The following PXDNL variants were observed in gnomAD, a reference collection of about 807,000 sequenced individuals.
The protein encoded by PXDNL is probable oxidoreductase PXDNL.
PXDNL carries 145 observed loss-of-function variants against 150.8 expected under a neutral mutation model. That is an observed-to-expected ratio of 0.96 (90% CI 0.84 to 1.10). The LOEUF is 1.10. PXDNL is among the 50% of genes least tolerant of loss of function. The probability of loss-of-function intolerance (pLI) is 0.00; values close to 1 mark genes in which losing one functional copy is unlikely to be tolerated. For missense variants in PXDNL, 2,087 were observed against 1,873.9 expected, an observed-to-expected ratio of 1.11 and a Z score of -2.10; for synonymous variants, 757 against 725.7, an observed-to-expected ratio of 1.04 and a Z score of -0.69.
At chr8:51,623,683 C>T (rs1433247374) in intron 2 of PXDNL, among the ~76,000 whole-genome samples, 1 of 152,188 alleles carries the variant, frequency 6.6e-6, no homozygotes, top group Non-Finnish European at 1.5e-5. Context: ...GTGTGCAGAG[C>T]GCAGCCCAGC....
intron 5 of PXDNL, among the ~76,000 whole-genome samples, chr8:51,497,167 G>A (rs1351155965): frequency 6.6e-6 from 1 of 151,900 alleles, no homozygotes; most frequent in Non-Finnish European, 1.5e-5. Context: ...CAAACCTGAT[G>A]GAAACAAGAA....
At chr8:51,654,501 C>A (rs1451772269) in intron 2 of PXDNL, among the ~76,000 whole-genome samples, 188 bp downstream of exon 2, 2 of 151,416 alleles carry the variant, frequency 1.3e-5, no homozygotes, top group Non-Finnish European at 2.9e-5. Context: ...AGAATCTCTT[C>A]CATGTTCAAA....
At chr8:51,702,570 T>C (rs539982694) in intron 1 of PXDNL, among the ~76,000 whole-genome samples, 17 of 152,250 alleles carry the variant, frequency 1.1e-4, no homozygotes, top group African/African-American at 4.1e-4. Context: ...GTTATTAGGG[T>C]GTGAATTTCG....
intron 1 of PXDNL, among the ~76,000 whole-genome samples, chr8:51,751,729 T>C (rs1003620468): frequency 6.6e-6 from 1 of 152,206 alleles, no homozygotes; most frequent in African/African-American, 2.4e-5. Flanking sequence ...GCTTTAATAC[T>C]TTTTCTTTCT....
chr8:51,468,068 G>A (rs1445644810), intron 8 of PXDNL, among the ~76,000 whole-genome samples: 1 of 151,976 alleles, frequency 6.6e-6, no homozygotes, highest in Non-Finnish European at 1.5e-5. Context: ...TATGAGTTGA[G>A]ATTTTGTATC....
At chr8:51,383,548 C>A (rs1030714806) in intron 17 of PXDNL, among the ~76,000 whole-genome samples, 1 of 152,086 alleles carries the variant, frequency 6.6e-6, no homozygotes, top group Non-Finnish European at 1.5e-5. Flanking sequence ...GAGAGAGTAC[C>A]GCCCAAAGCA....
intron 1 of PXDNL, among the ~76,000 whole-genome samples, chr8:51,788,338 C>T (rs751157796): frequency 1.8e-4 from 27 of 152,128 alleles, no homozygotes; most frequent in Non-Finnish European, 3.4e-4. Flanking sequence ...TGGCTGAGAA[C>T]GGGGCAAGGA....
At chr8:51,775,941 T>C (rs1335491137) in intron 1 of PXDNL, among the ~76,000 whole-genome samples, 1 of 152,318 alleles carries the variant, frequency 6.6e-6, no homozygotes, top group East Asian at 1.9e-4. Flanking sequence ...GAATTCTTTT[T>C]CTCAGCAAGG....
At chr8:51,327,029 C>T (rs1805520290) in intron 21 of PXDNL, among the ~76,000 whole-genome samples, 1 of 152,144 alleles carries the variant, frequency 6.6e-6, no homozygotes, top group African/African-American at 2.4e-5. Flanking sequence ...CAAAAAACAT[C>T]ACATTCTGAG....
At chr8:51,579,320 A>G (rs1240272604) in intron 3 of PXDNL, among the ~76,000 whole-genome samples, 1 of 152,082 alleles carries the variant, frequency 6.6e-6, no homozygotes, top group African/African-American at 2.4e-5. Flanking sequence ...AATAGAAGAT[A>G]AACAGATGGT....
intron 1 of PXDNL, chr8:51,721,645 T>TAAA: frequency 1.4e-5 from 5 of 356,864 alleles, no homozygotes; most frequent in South Asian, 4.7e-5. Context: ...ATAATAAAAT[T>TAAA]AAAAAAAAAA....
At chr8:51,593,648 G>A (rs16916577) in intron 2 of PXDNL, among the ~76,000 whole-genome samples, 1 of 152,096 alleles carries the variant, frequency 6.6e-6, no homozygotes, top group South Asian at 2.1e-4. Flanking sequence ...AATTTCACAG[G>A]CAGCCTAGAG....
At chr8:51,398,795 G>C (rs1028302602) in intron 17 of PXDNL, among the ~76,000 whole-genome samples, 3 of 151,610 alleles carry the variant, frequency 2.0e-5, no homozygotes, top group African/African-American at 7.3e-5. Flanking sequence ...ACTTAGGAAA[G>C]TAATGAACCC....
chr8:51,385,345 AC>A (rs1471218708), intron 17 of PXDNL, among the ~76,000 whole-genome samples: 9 of 152,102 alleles, frequency 5.9e-5, no homozygotes, highest in Admixed American at 4.6e-4. Context: ...AAAAAAAAAA[AC>A]ACTTTCCACT....
At position 51,804,448 on chromosome 8, in the gene PXDNL, CT is replaced by C. The variant is rs371585247; in HGVS notation, c.164+4732del. ...TCCATGATTCAATTTTTTTTCTCCT[CT>C]TTTTCACTCATTTCACTGTCTTTGT... On this transcript the variant is annotated intron_variant, in intron 1 of 22. Transcript: ENST00000356297. Among the ~76,000 whole-genome samples, 116 of 152,168 alleles carry C rather than the reference CT, an allele frequency of 7.6e-4. 1 individual carries two copies. The highest frequency in any genetic ancestry group is 3.4e-3 in the Middle Eastern group (1 of 294).
chr8:51,496,201 G>T (rs983976485), intron 5 of PXDNL, among the ~76,000 whole-genome samples: 2 of 152,214 alleles, frequency 1.3e-5, no homozygotes, highest in Non-Finnish European at 2.9e-5. Flanking sequence ...CTCAATAGAT[G>T]CAGAAAAGGC....
At chr8:51,807,575 T>C (rs992823077) in intron 1 of PXDNL, among the ~76,000 whole-genome samples, 17 of 152,114 alleles carry the variant, frequency 1.1e-4, no homozygotes, top group Non-Finnish European at 1.9e-4. Flanking sequence ...TAAGAATTTG[T>C]CCAAGGCAAC....
intron 1 of PXDNL, among the ~76,000 whole-genome samples, chr8:51,664,770 G>A (rs1815346783): frequency 6.6e-6 from 1 of 152,030 alleles, no homozygotes. Flanking sequence ...GTGCCCTGCG[G>A]TCCCACTGTG....
intron 4 of PXDNL, among the ~76,000 whole-genome samples, chr8:51,526,124 G>A (rs1437447090): frequency 6.6e-6 from 1 of 152,134 alleles, no homozygotes; most frequent in African/African-American, 2.4e-5. Flanking sequence ...TGTTCCCAAT[G>A]TGTGTGTGTC....
Sources: gnomAD v4.1 joint callset for allele counts (sites outside exome capture counted in the v4.1 genomes callset) on GRCh38, gnomAD v4.1.1 for gene constraint, MANE v1.5 for transcripts, NCBI Gene and HGNC (gene_info 2026-07-23, HGNC 2026-07-21) for gene names.